The following DMD variants were observed in gnomAD, a reference collection of about 807,000 sequenced individuals.
DMD encodes the protein mutant dystrophin.
A neutral mutation model predicts 330.1 loss-of-function variants in DMD; 63 were observed. That is an observed-to-expected ratio of 0.19 (90% CI 0.16 to 0.24). The LOEUF is 0.24. Among genes scored for constraint, DMD ranks in the 10% least tolerant of loss-of-function variants. DMD has a pLI of 1.00. For missense variants in DMD, 3,344 were observed against 2,684.1 expected, an observed-to-expected ratio of 1.25 and a Z score of -5.43; for synonymous variants, 1,223 against 959.8, an observed-to-expected ratio of 1.27 and a Z score of -5.07.
intron 1 of DMD, among the ~76,000 whole-genome samples, chrX:33,170,578 T>A (rs2049287450): frequency 9.0e-6 from 1 of 111,654 alleles, no homozygotes; most frequent in African/African-American, 3.2e-5. Flanking sequence ...TACTGTATTT[T>A]ACTTAACCAA....
chrX:32,945,945 G>T (rs935977936), intron 2 of DMD, among the ~76,000 whole-genome samples: 5 of 110,865 alleles, frequency 4.5e-5, no homozygotes, highest in African/African-American at 1.3e-4. Flanking sequence ...TCCTGAGATT[G>T]GTTGATAGTT....
chrX:32,567,294 A>G (rs1226017597), intron 15 of DMD, among the ~76,000 whole-genome samples: 1 of 112,600 alleles, frequency 8.9e-6, no homozygotes, highest in African/African-American at 3.2e-5. Context: ...GTATTTTTCT[A>G]AGTTTGAAAG....
intron 11 of DMD, among the ~76,000 whole-genome samples, chrX:32,614,769 A>G (rs1410467730): frequency 9.0e-6 from 1 of 111,139 alleles, no homozygotes; most frequent in Non-Finnish European, 1.9e-5. Context: ...TTACATTCTC[A>G]TTATTTAGTA....
chrX:33,129,863 T>C (rs984977915), intron 1 of DMD, among the ~76,000 whole-genome samples: 5 of 112,098 alleles, frequency 4.5e-5, no homozygotes, highest in Admixed American at 1.9e-4. Flanking sequence ...CTCATTGTCG[T>C]ACTGCTTAGA....
intron 32 of DMD, among the ~76,000 whole-genome samples, chrX:32,388,280 G>A (rs2097973759): frequency 9.5e-6 from 1 of 105,461 alleles, no homozygotes; most frequent in South Asian, 4.0e-4. Flanking sequence ...AGAAAAGAAC[G>A]AAAAGTGCTC....
At chrX:33,297,986 G>A (rs753288360) in intron 1 of DMD, among the ~76,000 whole-genome samples, 17 of 110,836 alleles carry the variant, frequency 1.5e-4, no homozygotes, top group African/African-American at 2.3e-4. Flanking sequence ...ACTATGCCCG[G>A]TGATGGATAT....
At chrX:32,684,913 T>C (rs73456922) in intron 9 of DMD, among the ~76,000 whole-genome samples, 9,056 of 111,237 alleles carry the variant, frequency 0.081, 923 homozygotes, top group African/African-American at 0.28. Flanking sequence ...ATTTGACTTC[T>C]AACTTTCCTT....
At chrX:32,380,387 G>T in intron 34 of DMD, 123 bp downstream of exon 34, 1 of 678,343 alleles carries the variant, frequency 1.5e-6, no homozygotes, top group Non-Finnish European at 2.2e-6. Flanking sequence ...TTTTAAGAAA[G>T]GGAATATGAA....
chrX:32,827,083 A>ACAC, intron 4 of DMD, among the ~76,000 whole-genome samples: 2 of 91,499 alleles, frequency 2.2e-5, no homozygotes, highest in Non-Finnish European at 2.1e-5. Flanking sequence ...ACACACACAC[A>ACAC]GCAGCAGCCA....
intron 54 of DMD, among the ~76,000 whole-genome samples, chrX:31,632,866 T>C (rs1271329687): frequency 8.9e-6 from 1 of 112,097 alleles, no homozygotes; most frequent in Non-Finnish European, 1.9e-5. Context: ...CCTATGGATA[T>C]ACAGCACTTT....
chrX:32,152,563 T>C (rs1363414752), intron 44 of DMD, among the ~76,000 whole-genome samples: 1 of 111,606 alleles, frequency 9.0e-6, no homozygotes, highest in African/African-American at 3.3e-5. Flanking sequence ...CACATTTTTA[T>C]ACTCAACTTC....
rs1252214701 is a variant in DMD, at chrX:31,231,627, C to T, written c.9287-8506G>A. ...AGGTGCGGTGGCTCGCGCCTGTAAT[C>T]CCAGCCTTTGGGAGGCCAAGGCAGG... is the stretch of plus-strand genomic sequence containing the variant. On this transcript the variant is annotated intron_variant, in intron 63 of 78. Transcript: ENST00000357033. Among the ~76,000 whole-genome samples the T allele has an allele frequency of 2.7e-5, 3 of 112,498 alleles. No individual in the cohort carries two copies. In the East Asian group the frequency reaches 8.4e-4, roughly 31 times the overall value.
At chrX:32,372,365 T>C in intron 34 of DMD, among the ~76,000 whole-genome samples, 1 of 111,525 alleles carries the variant, frequency 9.0e-6, no homozygotes, top group African/African-American at 3.3e-5. Context: ...ATTGCCTACA[T>C]AACAGTCCAA....
intron 60 of DMD, among the ~76,000 whole-genome samples, chrX:31,433,699 T>C (rs1426303715): frequency 9.0e-6 from 1 of 111,173 alleles, no homozygotes; most frequent in Admixed American, 9.5e-5. Flanking sequence ...CCTCAGGTGA[T>C]CCACCCACCT....
At chrX:31,831,737 T>C (rs1052125671) in intron 49 of DMD, among the ~76,000 whole-genome samples, 5 of 110,934 alleles carry the variant, frequency 4.5e-5, no homozygotes, top group Admixed American at 9.6e-5. Context: ...TAGCTGGGAC[T>C]ACAGATGCCT....
chrX:32,069,923 T>C (rs145997086), intron 44 of DMD, among the ~76,000 whole-genome samples: 2 of 111,669 alleles, frequency 1.8e-5, no homozygotes, highest in Non-Finnish European at 3.8e-5. Flanking sequence ...CACCCTAAAT[T>C]GACAAGGAGG....
Position 33,262,875 on chromosome X carries a change from CA to C in DMD, c.7+76383del, listed in dbSNP as rs2052982266. Among the ~76,000 whole-genome samples the C allele has an allele frequency of 2.7e-5, 3 of 109,880 alleles. No homozygotes were observed. The South Asian group carries it at 1.2e-3, about 43-fold the overall frequency. ...TGAAAATAAGAAATAGACCAAAAGT[CA>C]ATTGAAAAATTGGCAAAGGACATGA... On this transcript the variant is annotated intron_variant, in intron 1 of 17. Coordinates refer to the DMD transcript ENST00000288447.
intron 74 of DMD, 70 bp from the exon 75 acceptor site, chrX:31,147,588 G>T: frequency 2.3e-6 from 2 of 861,897 alleles, no homozygotes; most frequent in Non-Finnish European, 1.6e-6. Context: ...AAAGTAATTT[G>T]AATATCATCA....
chrX:32,349,929 A>C (rs1030251316), intron 37 of DMD, among the ~76,000 whole-genome samples: 5 of 111,626 alleles, frequency 4.5e-5, no homozygotes, highest in Non-Finnish European at 7.6e-5. Context: ...TTACGGTACA[A>C]TAAAATCATA....
Sources: gnomAD v4.1 joint callset for allele counts (sites outside exome capture counted in the v4.1 genomes callset) on GRCh38, gnomAD v4.1.1 for gene constraint, MANE v1.5 for transcripts, NCBI Gene and HGNC (gene_info 2026-07-23, HGNC 2026-07-21) for gene names.